Variants in TTLL9 observed in about 807,000 individuals in gnomAD.
TTLL9 encodes probable tubulin polyglutamylase TTLL9.
A neutral mutation model predicts 65.6 loss-of-function variants in TTLL9; 47 were observed. The observed-to-expected ratio is 0.72, with a 90% CI of 0.57 to 0.91. The LOEUF (loss-of-function observed/expected upper bound fraction) is 0.91. Among genes scored for constraint, TTLL9 ranks in the 40% least tolerant of loss-of-function variants. The pLI is 0.00. For missense variants in TTLL9, 537 were observed against 568.8 expected (o/e 0.94, Z 0.57); for synonymous variants, 179 against 204.8 (o/e 0.87, Z 1.07).
At chr20:31,931,251 T>A (rs1204612543) in intron 10 of TTLL9, among the ~76,000 whole-genome samples, 1 of 151,970 alleles carries the variant, frequency 6.6e-6, no homozygotes, top group East Asian at 1.9e-4. Flanking sequence ...AGCTAATTTT[T>A]AAATTTTTTA....
At chr20:31,925,320 A>G (rs961635037) in intron 9 of TTLL9, among the ~76,000 whole-genome samples, 1 of 152,052 alleles carries the variant, frequency 6.6e-6, no homozygotes, top group Non-Finnish European at 1.5e-5. Context: ...TTGAGCACCT[A>G]CTAAGTACCA....
At chr20:31,935,005 C>T (rs1473730128) in intron 12 of TTLL9, 117 bp downstream of exon 12, 9 of 999,530 alleles carry the variant, frequency 9.0e-6, no homozygotes, top group East Asian at 7.4e-5. Flanking sequence ...TGCACACTTA[C>T]ATTTACTGTG....
chr20:31,925,349 G>A (rs1197808417), intron 9 of TTLL9, among the ~76,000 whole-genome samples: 1 of 152,124 alleles, frequency 6.6e-6, no homozygotes, highest in Non-Finnish European at 1.5e-5. Flanking sequence ...CACTTAGCAG[G>A]TTTTATCTCA....
intron 2 of TTLL9, among the ~76,000 whole-genome samples, chr20:31,883,191 G>T (rs1426500800): frequency 6.6e-6 from 1 of 150,454 alleles, no homozygotes; most frequent in Non-Finnish European, 1.5e-5. Context: ...TTTCTCCTGA[G>T]AATTCTTTCT....
rs761516227 is a variant in TTLL9 at position 31,898,545 on chromosome 20, A to G, written c.186A>G (p.Pro62=). Reference sequence around the variant, plus strand: ...TCATGGACGTCCTTCGCCACAGGCCAGGATGGGTGGAAGTGAAGGAGTAAG... The same window carrying G: ...TCATGGACGTCCTTCGCCACAGGCCGGGATGGGTGGAAGTGAAGGAGTAAG... ...NTLMDVLRHR[P]GWVEVKDEGE... Residue 62 remains proline (P), a synonymous_variant, in exon 4 of 15, where the codon CCA becomes CCG. Transcript: ENST00000535842. 9.9e-6 allele frequency: 16 copies of G among 1,614,230 alleles called. No homozygotes were observed. The highest frequency in any genetic ancestry group is 1.4e-5 in the Non-Finnish European group (16 of 1,180,028).
At chr20:31,898,451 T>C (rs2063418820) in intron 3 of TTLL9, 22 bp from the exon 4 acceptor site, 1 of 1,609,742 alleles carries the variant, frequency 6.2e-7, no homozygotes, top group Admixed American at 1.7e-5. Flanking sequence ...CCTGAGCAAA[T>C]GTTCATTGCC....
intron 4 of TTLL9, among the ~76,000 whole-genome samples, chr20:31,904,124 C>T (rs2063515584): frequency 6.6e-6 from 1 of 152,130 alleles, no homozygotes; most frequent in Non-Finnish European, 1.5e-5. Context: ...GATGCTGTGC[C>T]CTTTTCAGTG....
At chr20:31,934,265 G>A (rs1021847090) in intron 11 of TTLL9, 17 of 502,528 alleles carry the variant, frequency 3.4e-5, no homozygotes, top group African/African-American at 2.9e-4. Flanking sequence ...CCAGATCAAG[G>A]GGACACAGGA....
At position 31,943,713 on chromosome 20, in the gene TTLL9, T is replaced by C. The variant is rs747701481; in HGVS notation, c.*692T>C. 50 of 456,578 alleles carry C rather than the reference T, an allele frequency of 1.1e-4. No homozygotes were observed. Among genetic ancestry groups the C allele is most frequent in the Non-Finnish European group, 1.9e-4 (43 of 226,954 alleles). 28.3% of individuals were successfully genotyped at this position (456,578 alleles called of 1,614,324 possible). ...AGGGAGGCAGAGCTTAGTGAGGGTC[T>C]CTGCAAAGGTGCATTTATCTAAGTC... On this transcript the variant is annotated 3_prime_UTR_variant, in exon 15 of 15. Coordinates refer to ENST00000535842, the MANE Select transcript of TTLL9 (RefSeq NM_001008409.5).
chr20:31,920,229 G>GCACACA (rs3046855), intron 7 of TTLL9, among the ~76,000 whole-genome samples: 12,278 of 150,470 alleles, frequency 0.082, 629 homozygotes, highest in Non-Finnish European at 0.12. Context: ...GCAAACACGC[G>GCACACA]CACACACACA....
chr20:31,901,419 A>G (rs924283277), intron 4 of TTLL9: 1 of 152,226 alleles, frequency 6.6e-6, no homozygotes, highest in Non-Finnish European at 1.5e-5. Flanking sequence ...AAGAACCTGA[A>G]TCTCCACTGA....
At chr20:31,884,202 T>C (rs545370379) in intron 2 of TTLL9, 30 of 410,092 alleles carry the variant, frequency 7.3e-5, no homozygotes, top group Non-Finnish European at 1.2e-4. Context: ...AAGCACTAAC[T>C]TATTACCTTA....
chr20:31,902,006 A>C (rs2063486362), intron 4 of TTLL9, among the ~76,000 whole-genome samples: 1 of 152,232 alleles, frequency 6.6e-6, no homozygotes, highest in South Asian at 2.1e-4. Flanking sequence ...ATGTTGGAAG[A>C]AAAAATATAT....
intron 2 of TTLL9, among the ~76,000 whole-genome samples, chr20:31,885,018 T>G (rs1252121901): frequency 1.3e-5 from 2 of 152,160 alleles, no homozygotes; most frequent in Non-Finnish European, 2.9e-5. Context: ...TGTACAAGGC[T>G]GCTATACTGA....
chr20:31,871,312 C>T, intron 2 of TTLL9, 117 bp downstream of exon 2: 1 of 1,032,608 alleles, frequency 9.7e-7, no homozygotes, highest in South Asian at 1.3e-5. Flanking sequence ...AGGTTTGAGG[C>T]CCTGTTCACC....
chr20:31,932,471 C>CAAAAAAAAAAAAAAAAAAAAAAAAAA, intron 10 of TTLL9, among the ~76,000 whole-genome samples: 1 of 86,478 alleles, frequency 1.2e-5, no homozygotes, highest in Non-Finnish European at 2.2e-5. Flanking sequence ...GACCCTGTCT[C>CAAAAAAAAAAAAAAAAAAAAAAAAAA]AAAAAAAAAA....
Position 31,898,441 on chromosome 20 carries a change from C to T in TTLL9, c.114-32C>T, listed in dbSNP as rs772376886. 25 of 1,600,530 alleles carry T rather than the reference C, an allele frequency of 1.6e-5. No homozygotes were observed. In the East Asian group the frequency reaches 5.1e-4, roughly 33 times the overall value. On this transcript the variant is annotated intron_variant, in intron 3 of 14. Coordinates refer to ENST00000535842, the MANE Select transcript of TTLL9 (RefSeq NM_001008409.5). ...GCGCCATCCTAGGAAAATCATTGAT[C>T]CTGAGCAAATGTTCATTGCCTTGTC... is the stretch of plus-strand genomic sequence containing the variant.
At chr20:31,932,822 C>T (rs2064041905) in intron 10 of TTLL9, among the ~76,000 whole-genome samples, 1 of 152,068 alleles carries the variant, frequency 6.6e-6, no homozygotes, top group Admixed American at 6.6e-5. Context: ...CATGGTGAAA[C>T]CCCATCTCTA....
intron 10 of TTLL9, 98 bp from the exon 11 acceptor site, chr20:31,933,702 A>G (rs370021113): frequency 1.0e-5 from 12 of 1,149,248 alleles, no homozygotes; most frequent in Non-Finnish European, 1.4e-5. Context: ...GCTATTTCGT[A>G]GCCTTCCCCA....
Sources: allele counts gnomAD v4.1 joint callset (sites outside exome capture counted in the v4.1 genomes callset), GRCh38; gene constraint gnomAD v4.1.1; transcripts MANE v1.5; gene names NCBI Gene and HGNC (gene_info 2026-07-23, HGNC 2026-07-21).